Variants in NEGR1 observed in about 807,000 individuals in gnomAD.
NEGR1 encodes the protein neuronal growth regulator 1, also known as IgLON family member 4.
In NEGR1, 10 loss-of-function variants were observed where a neutral mutation model predicts 40.9. That is an observed-to-expected ratio of 0.24 (90% CI 0.15 to 0.42). The LOEUF (loss-of-function observed/expected upper bound fraction) is 0.42. Ranked by LOEUF, NEGR1 falls within the 10% of genes least tolerant of loss-of-function variation. The pLI is 1.00. For synonymous variants in NEGR1, 185 were observed against 166.8 expected (o/e 1.11, Z -0.84); for missense variants, 352 against 438.9 (o/e 0.80, Z 1.77).
chr1:71,404,528 CCTTT>C lies in NEGR1; in HGVS notation c.*2914_*2917del, dbSNP rs796864062. On this transcript the variant is annotated 3_prime_UTR_variant, in exon 7 of 7. Transcript: ENST00000357731. Reference sequence around the variant, plus strand: ...ACTCTGATTCTTCCTTCCCTCTCATCCTTTCTTTCTTCCTACCTTCTCCCCTTCC... The same window carrying C: ...ACTCTGATTCTTCCTTCCCTCTCATCCTTTCTTCCTACCTTCTCCCCTTCC... 1.5e-4 allele frequency: 23 copies of C among 151,802 alleles called. No individual in the cohort carries two copies. The highest frequency in any genetic ancestry group is 5.1e-4 in the African/African-American group (21 of 41,474). The allele number at this position is 151,802 out of a possible 1,614,324, so 9.4% of individuals were successfully genotyped here.
intron 1 of NEGR1, among the ~76,000 whole-genome samples, chr1:71,978,114 C>G (rs921556019): frequency 6.6e-6 from 1 of 151,848 alleles, no homozygotes; most frequent in Non-Finnish European, 1.5e-5. Context: ...TTTTGTGAGC[C>G]CTAGCATTGA....
At chr1:72,068,493 C>T (rs1392791756) in intron 1 of NEGR1, among the ~76,000 whole-genome samples, 2 of 152,114 alleles carry the variant, frequency 1.3e-5, no homozygotes, top group East Asian at 1.9e-4. Context: ...CCCAGTGCTT[C>T]GGTGTTTGGC....
At chr1:71,447,666 T>C (rs1484267200) in intron 6 of NEGR1, among the ~76,000 whole-genome samples, 5 of 152,230 alleles carry the variant, frequency 3.3e-5, no homozygotes, top group Non-Finnish European at 5.9e-5. Flanking sequence ...TCATCATCTG[T>C]ACTGCCCAGT....
At chr1:72,124,023 T>C (rs184608582) in intron 1 of NEGR1, among the ~76,000 whole-genome samples, 1 of 152,186 alleles carries the variant, frequency 6.6e-6, no homozygotes, top group African/African-American at 2.4e-5. Flanking sequence ...CTATCATTTA[T>C]ATAGTTTGTA....
chr1:71,629,612 G>T (rs1650905864), intron 4 of NEGR1, among the ~76,000 whole-genome samples: 1 of 151,850 alleles, frequency 6.6e-6, no homozygotes, highest in Admixed American at 6.6e-5. Flanking sequence ...TTCTGGCCGG[G>T]GCAATCAGGC....
intron 6 of NEGR1, among the ~76,000 whole-genome samples, chr1:71,560,456 T>C (rs1306612737): frequency 6.9e-6 from 1 of 144,098 alleles, no homozygotes; most frequent in African/African-American, 2.5e-5. Context: ...TATGTATATA[T>C]ATATTTCCAA....
At position 71,883,018 on chromosome 1, in the gene NEGR1, T is replaced by G. The variant is rs187000282; in HGVS notation, c.409+52061A>C. Reference sequence around the variant, plus strand: ...TATTGCCACAATATTTACTTTTACTTAACTCAATTCAATATATGTAAATTT... The same window carrying G: ...TATTGCCACAATATTTACTTTTACTGAACTCAATTCAATATATGTAAATTT... On this transcript the variant is annotated intron_variant, in intron 2 of 6. Transcript: ENST00000357731. Among the ~76,000 whole-genome samples, 29 of 152,234 alleles carry G rather than the reference T, an allele frequency of 1.9e-4. No homozygotes were observed. The East Asian group carries it at 5.4e-3, about 28-fold the overall frequency.
chr1:71,983,595 T>A (rs1180259648), intron 1 of NEGR1, among the ~76,000 whole-genome samples: 2 of 152,186 alleles, frequency 1.3e-5, no homozygotes. Flanking sequence ...ACAATCAAAT[T>A]AAATGCACTT....
rs61766972 is a variant in NEGR1 at position 71,697,754 on chromosome 1, G to T, written c.667+254C>A. 1.6e-3 allele frequency among the ~76,000 whole-genome samples: 240 copies of T among 151,882 alleles called. 1 individual carries two copies. The highest frequency in any genetic ancestry group is 2.9e-3 in the Non-Finnish European group (194 of 67,780). On this transcript the variant is annotated intron_variant, in intron 4 of 6. Transcript: ENST00000357731. Reference sequence around the variant, plus strand: ...AGGTAAGGACACCACAGTTTAGAATGCCAGGGATTAGGAGAGTATTAAACA... The same window carrying T: ...AGGTAAGGACACCACAGTTTAGAATTCCAGGGATTAGGAGAGTATTAAACA...
At chr1:72,223,225 C>A (rs561582433) in intron 1 of NEGR1, among the ~76,000 whole-genome samples, 1 of 152,236 alleles carries the variant, frequency 6.6e-6, no homozygotes, top group Admixed American at 6.5e-5. Flanking sequence ...ACATTTATGA[C>A]CTACAGATTC....
intron 2 of NEGR1, among the ~76,000 whole-genome samples, chr1:71,876,395 G>A (rs1660431075): frequency 6.6e-6 from 1 of 151,974 alleles, no homozygotes. Context: ...CGCTCTGGTA[G>A]TCCCAGCTAA....
chr1:71,738,330 A>G, intron 3 of NEGR1: 1 of 249,418 alleles, frequency 4.0e-6, no homozygotes, highest in Non-Finnish European at 8.4e-6. Context: ...GCAGACAAAT[A>G]AGCAACAAGA....
chr1:71,865,498 C>T lies in NEGR1; in HGVS notation c.409+69581G>A, dbSNP rs151115661. On this transcript the variant is annotated intron_variant, in intron 2 of 6. Transcript: ENST00000357731. ...ACTAATGCAGGAACAGAAAACCAAACACCGCCTGTTCTCACTCATAAGTGG... is the reference window on the plus strand; with the variant it reads ...ACTAATGCAGGAACAGAAAACCAAATACCGCCTGTTCTCACTCATAAGTGG... Among the ~76,000 whole-genome samples, 412 of 152,200 alleles carry T rather than the reference C, an allele frequency of 2.7e-3. 1 individual carries two copies. The highest frequency in any genetic ancestry group is 9.5e-3 in the African/African-American group (395 of 41,544).
At chr1:71,565,107 T>C (rs984355957) in intron 6 of NEGR1, among the ~76,000 whole-genome samples, 3 of 152,074 alleles carry the variant, frequency 2.0e-5, no homozygotes, top group Admixed American at 6.6e-5. Context: ...GGTAACCAGA[T>C]AAAATAAAAT....
chr1:71,875,392 T>C (rs1043939661), intron 2 of NEGR1, among the ~76,000 whole-genome samples: 1 of 152,160 alleles, frequency 6.6e-6, no homozygotes, highest in African/African-American at 2.4e-5. Flanking sequence ...TACAGAATGA[T>C]CCTACTTCTC....
At chr1:72,124,482 A>G (rs1009097608) in intron 1 of NEGR1, among the ~76,000 whole-genome samples, 1 of 151,770 alleles carries the variant, frequency 6.6e-6, no homozygotes, top group Non-Finnish European at 1.5e-5. Context: ...AGCAACAAAC[A>G]CTCGAGCGAT....
intron 2 of NEGR1, among the ~76,000 whole-genome samples, chr1:71,824,311 TC>T (rs1490084857): frequency 6.6e-6 from 1 of 151,854 alleles, no homozygotes; most frequent in Non-Finnish European, 1.5e-5. Flanking sequence ...TTCATTTGTT[TC>T]TTTTGCTAAA....
chr1:71,986,715 C>T (rs1188925297), intron 1 of NEGR1, among the ~76,000 whole-genome samples: 1 of 152,184 alleles, frequency 6.6e-6, no homozygotes, highest in Non-Finnish European at 1.5e-5. Flanking sequence ...TAGACCTTTC[C>T]CTGATATCCT....
chr1:71,984,070 C>T (rs1557468378), intron 1 of NEGR1, among the ~76,000 whole-genome samples: 1 of 145,858 alleles, frequency 6.9e-6, no homozygotes, highest in Non-Finnish European at 1.5e-5. Context: ...AGCTAGCCCC[C>T]AGTAAAAGGA....
Sources: allele counts gnomAD v4.1 joint callset (sites outside exome capture counted in the v4.1 genomes callset), GRCh38; gene constraint gnomAD v4.1.1; transcripts MANE v1.5; gene names NCBI Gene and HGNC (gene_info 2026-07-23, HGNC 2026-07-21).